Variants in PCM1 observed in about 807,000 individuals in gnomAD.
PCM1 encodes pericentriolar material 1 protein.
In PCM1, 157 loss-of-function variants were observed where a neutral mutation model predicts 241.9. The observed-to-expected ratio is 0.65, with a 90% CI of 0.57 to 0.74. The LOEUF is 0.74. PCM1 is among the 30% of genes least tolerant of loss of function. PCM1 has a pLI of 0.00. For missense variants in PCM1, 3,478 were observed against 2,360.1 expected, an observed-to-expected ratio of 1.47 and a Z score of -9.81; for synonymous variants, 1,085 against 784.9, an observed-to-expected ratio of 1.38 and a Z score of -6.39.
chr8:17,974,896 T>C (rs2078183348), intron 23 of PCM1, among the ~76,000 whole-genome samples: 1 of 136,780 alleles, frequency 7.3e-6, no homozygotes, highest in East Asian at 2.2e-4. Context: ...CACACACAAA[T>C]AAAAGGCTTG....
intron 6 of PCM1, among the ~76,000 whole-genome samples, chr8:17,944,731 C>T (rs1216337566): frequency 2.0e-5 from 3 of 152,114 alleles, no homozygotes; most frequent in African/African-American, 4.8e-5. Context: ...TATATTTCAT[C>T]ATAGGCTGTA....
Position 17,935,715 on chromosome 8 carries a change from C to A in PCM1, c.96+9C>A. 1.7e-6 allele frequency: 2 copies of A among 1,211,412 alleles called. No individual in the cohort carries two copies. Among genetic ancestry groups the A allele is most frequent in the Non-Finnish European group, 1.2e-6 (1 of 813,572 alleles). 75.0% of individuals were successfully genotyped at this position (1,211,412 alleles called of 1,614,324 possible). A position where few individuals can be genotyped will look rare whatever the true frequency, so the allele number is the denominator to read the frequency against. On this transcript the variant is annotated intron_variant, in intron 3 of 38. Transcript: ENST00000325083. ...ACAGGCTCAACAATATGGTATGATTCCTTACTCTTCATGGTGTGTTGTTGG... is the reference window on the plus strand; with the variant it reads ...ACAGGCTCAACAATATGGTATGATTACTTACTCTTCATGGTGTGTTGTTGG...
chr8:17,996,853 A>G (rs981885392), intron 29 of PCM1, among the ~76,000 whole-genome samples: 2 of 152,088 alleles, frequency 1.3e-5, no homozygotes, highest in African/African-American at 2.4e-5. Flanking sequence ...GTTTCTCTTT[A>G]TATCTTACTG....
intron 2 of PCM1, chr8:17,927,863 TAAAAAAAA>T (rs11296352): frequency 1.7e-5 from 2 of 116,578 alleles, no homozygotes; most frequent in Admixed American, 9.2e-5. Context: ...AGGATTTTCT[TAAAAAAAA>T]AAAAAAAAAA....
chr8:17,945,035 C>T (rs979610777), intron 6 of PCM1, among the ~76,000 whole-genome samples: 1 of 152,000 alleles, frequency 6.6e-6, no homozygotes, highest in Admixed American at 6.6e-5. Context: ...AGTATTTGAT[C>T]AACCTAGAGA....
In PCM1 at chr8:17,953,040, G is replaced by C; in HGVS notation, c.1142G>C (p.Arg381Thr). The change falls in exon 9 of 39, where the codon AGG becomes ACG. Residue 381 changes from arginine to threonine, a missense_variant. Transcript: ENST00000325083. ...LSLTREVSQSRKPSASERLPD... is the reference protein window; with the variant it reads ...LSLTREVSQSTKPSASERLPD... ...TTAACTAGGGAGGTTTCCCAGAGCA[G>C]GAAACCATCAGCTTCAGAACGTTTA... 6.2e-7 allele frequency: 1 copy of C among 1,608,268 alleles called. No individual in the cohort carries two copies. The highest frequency in any genetic ancestry group is 1.1e-5 in the South Asian group (1 of 89,792).
intron 24 of PCM1, among the ~76,000 whole-genome samples, chr8:17,981,449 C>G (rs2080763841): frequency 6.6e-6 from 1 of 152,196 alleles, no homozygotes; most frequent in East Asian, 1.9e-4. Flanking sequence ...TAGTATTTCC[C>G]TGTTTGTCAC....
At chr8:17,980,344 T>C (rs1010229182) in intron 23 of PCM1, 11 of 313,220 alleles carry the variant, frequency 3.5e-5, no homozygotes, top group African/African-American at 2.4e-4. Flanking sequence ...ATACTTCGAA[T>C]TGGAATATAC....
At chr8:17,935,530 T>C in intron 2 of PCM1, 59 bp from the exon 3 acceptor site, 1 of 653,830 alleles carries the variant, frequency 1.5e-6, no homozygotes, top group South Asian at 1.9e-5. Context: ...CATGGAATGA[T>C]TTGAAAATTG....
intron 22 of PCM1, 132 bp from the exon 23 acceptor site, chr8:17,972,197 G>A: frequency 4.0e-6 from 2 of 500,178 alleles, no homozygotes; most frequent in East Asian, 6.3e-5. Flanking sequence ...GTGTATTTTT[G>A]TGAAAACATT....
chr8:17,996,009 G>A (rs183644751), intron 29 of PCM1, among the ~76,000 whole-genome samples: 12 of 152,156 alleles, frequency 7.9e-5, no homozygotes, highest in African/African-American at 2.6e-4. Context: ...TTCCTTTCCA[G>A]TTTGGATCCC....
chr8:17,961,587 A>T (rs1296054843), intron 15 of PCM1, among the ~76,000 whole-genome samples: 1 of 152,140 alleles, frequency 6.6e-6, no homozygotes, highest in Admixed American at 6.5e-5. Context: ...TTGGGATTAC[A>T]GGCGTGAGCC....
chr8:17,956,916 A>G (rs13253463), intron 11 of PCM1, 139 bp downstream of exon 11: 122,753 of 693,518 alleles, frequency 0.18, 13,035 homozygotes, highest in East Asian at 0.41. Context: ...CAGTGTAATC[A>G]TCTCTGCCCT....
At chr8:17,945,841 A>C (rs1255153176) in intron 6 of PCM1, among the ~76,000 whole-genome samples, 1 of 152,150 alleles carries the variant, frequency 6.6e-6, no homozygotes, top group African/African-American at 2.4e-5. Context: ...TTAGTCATTT[A>C]TTTGAAATTT....
chr8:17,956,013 G>C (rs771516865), intron 10 of PCM1: 11 of 237,280 alleles, frequency 4.6e-5, no homozygotes, highest in Non-Finnish European at 7.4e-5. Flanking sequence ...AAATAACTTA[G>C]CCTTACTAAG....
At chr8:17,983,156 C>G (rs975403706) in intron 24 of PCM1, 4 of 600,344 alleles carry the variant, frequency 6.7e-6, no homozygotes, top group African/African-American at 2.0e-5. Context: ...TTTTCATTCA[C>G]TTATTCATGT....
At chr8:17,929,875 G>A (rs2058415330) in intron 2 of PCM1, among the ~76,000 whole-genome samples, 1 of 152,136 alleles carries the variant, frequency 6.6e-6, no homozygotes, top group Non-Finnish European at 1.5e-5. Flanking sequence ...AGTCACAACA[G>A]TATACTGTAA....
At chr8:17,980,491 T>A in intron 23 of PCM1, 100 bp from the exon 24 acceptor site, 1 of 900,518 alleles carries the variant, frequency 1.1e-6, no homozygotes, top group South Asian at 2.1e-5. Context: ...TTCCTAGCAT[T>A]GTAAATTGAG....
chr8:17,965,630 C>A (rs751008641), intron 18 of PCM1, among the ~76,000 whole-genome samples: 87 of 152,174 alleles, frequency 5.7e-4, no homozygotes, highest in Admixed American at 1.4e-3. Flanking sequence ...AAAATTTCTT[C>A]ATGAATAACA....
Sources: gnomAD v4.1 joint callset for allele counts (sites outside exome capture counted in the v4.1 genomes callset) on GRCh38, gnomAD v4.1.1 for gene constraint, MANE v1.5 for transcripts, NCBI Gene and HGNC (gene_info 2026-07-23, HGNC 2026-07-21) for gene names.